The following GCFC2 variants were observed in gnomAD, a reference collection of about 807,000 sequenced individuals.
GCFC2 encodes GC-rich sequence DNA-binding factor 2.
A neutral mutation model predicts 99.4 loss-of-function variants in GCFC2; 102 were observed. The ratio of observed to expected loss-of-function variants is 1.03; its 90% CI spans 0.87 to 1.21. GCFC2 has a LOEUF of 1.21. GCFC2 is among the 50% of genes most tolerant of loss of function. The probability of loss-of-function intolerance (pLI) is 0.00; values close to 1 mark genes in which losing one functional copy is unlikely to be tolerated. For synonymous variants in GCFC2, 338 were observed against 316.8 expected, an observed-to-expected ratio of 1.07 and a Z score of -0.71; for missense variants, 973 against 920.9, an observed-to-expected ratio of 1.06 and a Z score of -0.73.
In GCFC2 at chr2:75,665,979, G is replaced by A. The variant is rs41286001; in HGVS notation, c.2178C>T (p.Phe726=). 2.5e-6 allele frequency: 4 copies of A among 1,597,334 alleles called. No homozygotes were observed. The highest frequency in any genetic ancestry group is 3.4e-6 in the Non-Finnish European group (4 of 1,165,934). ...MRTSIPQLEN[F]IQFLLQSAHK... ...GTGCAGACTGCAATAAAAACTGAAT[G>A]AAGTTTTCTAGCTGTGGAATAGATG... Residue 726 remains phenylalanine (F), a synonymous_variant, in exon 16 of 17, where the codon TTC becomes TTT. Transcript: ENST00000321027.
intron 5 of GCFC2, among the ~76,000 whole-genome samples, chr2:75,694,853 G>A (rs1680235265): frequency 6.6e-6 from 1 of 152,050 alleles, no homozygotes; most frequent in African/African-American, 2.4e-5. Flanking sequence ...GAATATATAA[G>A]TATACATGTG....
At chr2:75,680,912 G>A (rs1425953668) in intron 11 of GCFC2, among the ~76,000 whole-genome samples, 2 of 152,120 alleles carry the variant, frequency 1.3e-5, no homozygotes, top group African/African-American at 2.4e-5. Context: ...GCTCTAACTT[G>A]TCTCCTATTC....
intron 4 of GCFC2, among the ~76,000 whole-genome samples, chr2:75,698,963 G>A (rs1157804815): frequency 6.7e-6 from 1 of 148,460 alleles, no homozygotes; most frequent in African/African-American, 2.5e-5. Flanking sequence ...AGTGAGCCGA[G>A]ATCATGCCAC....
intron 2 of GCFC2, 123 bp from the exon 3 acceptor site, chr2:75,702,546 G>T: frequency 1.4e-6 from 1 of 706,314 alleles, no homozygotes; most frequent in Non-Finnish European, 2.3e-6. Flanking sequence ...ATATATGAAT[G>T]TGACTTTAAT....
intron 12 of GCFC2, among the ~76,000 whole-genome samples, chr2:75,675,401 T>A (rs981130952): frequency 3.9e-5 from 6 of 152,104 alleles, no homozygotes; most frequent in Admixed American, 6.5e-5. Flanking sequence ...TTCATGAAAG[T>A]TTTCTTTCAA....
At chr2:75,710,391 A>G in intron 1 of GCFC2, 200 bp downstream of exon 1, 1 of 1,291,270 alleles carries the variant, frequency 7.7e-7, no homozygotes, top group Non-Finnish European at 1.0e-6. Context: ...AAGGAGTCCA[A>G]AAGGCAGATG....
chr2:75,665,862 A>G (rs1678815808), intron 16 of GCFC2, 67 bp downstream of exon 16: 4 of 995,256 alleles, frequency 4.0e-6, no homozygotes, highest in African/African-American at 3.3e-5. Flanking sequence ...AATCTTTCTA[A>G]AAGTTGTTGA....
chr2:75,681,244 G>A (rs1321865613), intron 11 of GCFC2, among the ~76,000 whole-genome samples: 1 of 152,176 alleles, frequency 6.6e-6, no homozygotes, highest in African/African-American at 2.4e-5. Flanking sequence ...TCATCTCATT[G>A]GGCCTGGTTG....
chr2:75,698,157 C>T (rs1384152459), intron 4 of GCFC2, among the ~76,000 whole-genome samples: 1 of 152,106 alleles, frequency 6.6e-6, no homozygotes, highest in African/African-American at 2.4e-5. Context: ...ATACTTGGAC[C>T]TGAAGAGGGC....
chr2:75,691,984 C>A lies in GCFC2; in HGVS notation c.1137G>T (p.Gln379His), dbSNP rs1417278019. 1 of 1,516,306 alleles carries A rather than the reference C, an allele frequency of 6.6e-7. No homozygotes were observed. Among genetic ancestry groups the A allele is most frequent in the Non-Finnish European group, 8.9e-7 (1 of 1,123,134 alleles). The allele number at this position is 1,516,306 out of a possible 1,614,324, so 93.9% of individuals were successfully genotyped here. ...ELKHESTYLQQLSRKDETSTS... is the reference protein window; with the variant it reads ...ELKHESTYLQHLSRKDETSTS... ...AACACGAAAAACACTAACGTGATAA[C>A]TGTTGTAAATACGTTGATTCATGTT... is the stretch of plus-strand genomic sequence containing the variant. The change falls in exon 7 of 17, where the codon CAG (glutamine) becomes CAT (histidine). Residue 379 changes from glutamine (Q) to histidine (H), a missense_variant. Transcript: ENST00000321027.
intron 1 of GCFC2, 54 bp downstream of exon 1, chr2:75,710,537 C>A (rs1340788793): frequency 7.0e-7 from 1 of 1,437,086 alleles, no homozygotes; most frequent in Non-Finnish European, 9.1e-7. Context: ...GACCCCGCGG[C>A]CCCTTCCCGC....
rs557216857 is a variant in GCFC2, at chr2:75,664,578, TAAAG to T, written c.*84_*87del. 48 of 660,712 alleles carry T rather than the reference TAAAG, an allele frequency of 7.3e-5. No individual in the cohort carries two copies. The Admixed American group carries it at 9.4e-4, about 13-fold the overall frequency. 40.9% of individuals were successfully genotyped at this position (660,712 alleles called of 1,614,324 possible). ...AAATCCTACCTTCTATTACAGGGAATAAAGAAGAGAGAGGCACCAGCTTCTTCTC... is the reference window on the plus strand; with the variant it reads ...AAATCCTACCTTCTATTACAGGGAATAAGAGAGAGGCACCAGCTTCTTCTC... On this transcript the variant is annotated 3_prime_UTR_variant, in exon 17 of 17. Coordinates refer to ENST00000321027, the MANE Select transcript of GCFC2 (RefSeq NM_003203.5).
At chr2:75,682,385 A>G (rs1679622740) in intron 11 of GCFC2, among the ~76,000 whole-genome samples, 1 of 151,926 alleles carries the variant, frequency 6.6e-6, no homozygotes, top group Non-Finnish European at 1.5e-5. Flanking sequence ...TAACAAACAG[A>G]AAAGAATAGT....
chr2:75,673,311 AG>A (rs1362288608), intron 13 of GCFC2, 132 bp downstream of exon 13: 3 of 615,036 alleles, frequency 4.9e-6, no homozygotes, highest in Admixed American at 3.1e-5. Context: ...CAGTCTCAAA[AG>A]AAAAAAAAAA....
intron 1 of GCFC2, among the ~76,000 whole-genome samples, chr2:75,708,980 T>C (rs1680993219): frequency 6.6e-6 from 1 of 152,182 alleles, no homozygotes; most frequent in South Asian, 2.1e-4. Flanking sequence ...CACAAGAGAT[T>C]AAAAGCAGAA....
At chr2:75,698,517 A>T (rs1460815523) in intron 4 of GCFC2, among the ~76,000 whole-genome samples, 1 of 152,178 alleles carries the variant, frequency 6.6e-6, no homozygotes, top group Non-Finnish European at 1.5e-5. Flanking sequence ...CGATATAAAA[A>T]CAAGAGAAGA....
At chr2:75,667,814 A>G (rs1445365456) in intron 15 of GCFC2, among the ~76,000 whole-genome samples, 1 of 152,150 alleles carries the variant, frequency 6.6e-6, no homozygotes, top group Non-Finnish European at 1.5e-5. Flanking sequence ...TTCATAATAG[A>G]CCCTATGGTC....
In GCFC2 at chr2:75,662,813, A is replaced by G. The variant is rs955823977; in HGVS notation, c.*1853T>C. The G allele has an allele frequency of 6.6e-6, 1 of 152,102 alleles. No individual in the cohort carries two copies. Among genetic ancestry groups the G allele is most frequent in the Non-Finnish European group, 1.5e-5 (1 of 67,982 alleles). 9.4% of individuals were successfully genotyped at this position (152,102 alleles called of 1,614,324 possible). A position where few individuals can be genotyped will look rare whatever the true frequency, so the allele number is the denominator to read the frequency against. ...GAACACGTCCAACATATTTAGTTAAAAATCCAAAAGTCAGAGGATAATTTC... is the reference window on the plus strand; with the variant it reads ...GAACACGTCCAACATATTTAGTTAAGAATCCAAAAGTCAGAGGATAATTTC... On this transcript the variant is annotated 3_prime_UTR_variant, in exon 17 of 17. Coordinates refer to ENST00000321027, the MANE Select transcript of GCFC2 (RefSeq NM_003203.5).
At chr2:75,699,269 T>A (rs1680468287) in intron 4 of GCFC2, among the ~76,000 whole-genome samples, 1 of 152,212 alleles carries the variant, frequency 6.6e-6, no homozygotes, top group Non-Finnish European at 1.5e-5. Flanking sequence ...CTGTATTATT[T>A]TTTCCAAATG....
Sources: allele counts gnomAD v4.1 joint callset (sites outside exome capture counted in the v4.1 genomes callset), GRCh38; gene constraint gnomAD v4.1.1; transcripts MANE v1.5; gene names NCBI Gene and HGNC (gene_info 2026-07-23, HGNC 2026-07-21).